CFAP299: variants seen among roughly 807,000 people sequenced by gnomAD.
CFAP299 encodes the protein cilia and flagella associated protein 299.
A neutral mutation model predicts 27.0 loss-of-function variants in CFAP299; 21 were observed. That is an observed-to-expected ratio of 0.78 (90% CI 0.55 to 1.12). The LOEUF (loss-of-function observed/expected upper bound fraction) is 1.12, where lower values mean the gene tolerates loss of function less well. CFAP299 is among the 50% of genes most tolerant of loss of function. The pLI, the probability that CFAP299 is intolerant of heterozygous loss-of-function variation, is 0.00. For missense variants in CFAP299, 310 were observed against 276.6 expected, an observed-to-expected ratio of 1.12 and a Z score of -0.86; for synonymous variants, 104 against 98.1, an observed-to-expected ratio of 1.06 and a Z score of -0.36.
chr4:80,795,089 T>A (rs539309665), intron 3 of CFAP299, among the ~76,000 whole-genome samples: 1 of 152,304 alleles, frequency 6.6e-6, no homozygotes, highest in South Asian at 2.1e-4. Flanking sequence ...GAACGGGGCA[T>A]GCTATTCACT....
rs1356473593 is a variant in CFAP299 at position 80,397,076 on chromosome 4, C to T, written c.242+34192C>T. ...TTTCAGAGCCTGTTATTGGTCTATT[C>T]GGGGATTCAACTTCTTCCTGGTTTA... is the stretch of plus-strand genomic sequence containing the variant. On this transcript the variant is annotated intron_variant, in intron 2 of 5. Transcript: ENST00000358105. 4.0e-5 allele frequency among the ~76,000 whole-genome samples: 6 copies of T among 148,710 alleles called. No homozygotes were observed. The South Asian group carries it at 1.1e-3, about 27-fold the overall frequency.
intron 3 of CFAP299, among the ~76,000 whole-genome samples, chr4:80,769,016 CA>C (rs1726055304): frequency 6.6e-6 from 1 of 152,096 alleles, no homozygotes; most frequent in African/African-American, 2.4e-5. Flanking sequence ...CAATGCTTTC[CA>C]AAAGTGAAGA....
At chr4:80,710,709 T>C (rs1722109397) in intron 3 of CFAP299, among the ~76,000 whole-genome samples, 6 of 152,000 alleles carry the variant, frequency 3.9e-5, no homozygotes, top group Admixed American at 3.9e-4. Flanking sequence ...CTCACTTACT[T>C]CAGCCCTGAC....
intron 3 of CFAP299, among the ~76,000 whole-genome samples, chr4:80,821,885 G>A (rs1216948619): frequency 1.3e-5 from 2 of 150,010 alleles, no homozygotes; most frequent in Admixed American, 1.3e-4. Flanking sequence ...CCCTGGCTCA[G>A]TACACAACAC....
intron 2 of CFAP299, among the ~76,000 whole-genome samples, chr4:80,486,343 C>A (rs1730818405): frequency 6.6e-6 from 1 of 152,166 alleles, no homozygotes. Flanking sequence ...CTGAAACATG[C>A]TTCTGAGATG....
chr4:80,828,111 G>A (rs929720475), intron 3 of CFAP299, among the ~76,000 whole-genome samples: 41 of 151,908 alleles, frequency 2.7e-4, no homozygotes, highest in African/African-American at 9.4e-4. Context: ...TAAAATGTTC[G>A]TATTATGGAA....
At chr4:80,526,267 A>G (rs1733170385) in intron 2 of CFAP299, among the ~76,000 whole-genome samples, 2 of 152,154 alleles carry the variant, frequency 1.3e-5, no homozygotes, top group South Asian at 4.1e-4. Flanking sequence ...TCATTTGGAA[A>G]GTAGCTTGAA....
intron 3 of CFAP299, among the ~76,000 whole-genome samples, chr4:80,609,638 G>T (rs1737861961): frequency 6.6e-6 from 1 of 151,740 alleles, no homozygotes; most frequent in African/African-American, 2.4e-5. Flanking sequence ...TGGAACATAT[G>T]ATTTTTTTCA....
intron 2 of CFAP299, among the ~76,000 whole-genome samples, chr4:80,417,633 A>G (rs1388895362): frequency 2.0e-5 from 3 of 152,194 alleles, no homozygotes; most frequent in Non-Finnish European, 4.4e-5. Flanking sequence ...AATTTGAAAT[A>G]CAATCATATT....
intron 3 of CFAP299, among the ~76,000 whole-genome samples, chr4:80,612,095 T>C (rs1738014293): frequency 2.0e-5 from 3 of 152,130 alleles, no homozygotes; most frequent in African/African-American, 7.2e-5. Flanking sequence ...TTTTGTAGAT[T>C]AGTGATACTG....
intron 1 of CFAP299, among the ~76,000 whole-genome samples, chr4:80,342,243 C>T (rs1354061096): frequency 2.0e-5 from 3 of 152,196 alleles, no homozygotes; most frequent in Non-Finnish European, 4.4e-5. Context: ...TGAAAACATA[C>T]TTCAGGATAT....
intron 4 of CFAP299, among the ~76,000 whole-genome samples, chr4:80,934,419 C>T (rs1228110158): frequency 6.6e-6 from 1 of 151,812 alleles, no homozygotes; most frequent in Non-Finnish European, 1.5e-5. Flanking sequence ...TAAAGTAGGC[C>T]CCATAAGATG....
At chr4:80,937,883 T>C (rs1736992179) in intron 4 of CFAP299, among the ~76,000 whole-genome samples, 1 of 152,192 alleles carries the variant, frequency 6.6e-6, no homozygotes. Flanking sequence ...TTTTAATCTT[T>C]GTTTAATCTG....
intron 3 of CFAP299, among the ~76,000 whole-genome samples, chr4:80,619,382 A>G (rs1349920250): frequency 6.6e-6 from 1 of 152,112 alleles, no homozygotes; most frequent in Non-Finnish European, 1.5e-5. Context: ...TAAATAATTA[A>G]TCTTTCTGAT....
chr4:80,700,801 G>A (rs947594960), intron 3 of CFAP299, among the ~76,000 whole-genome samples: 5 of 151,948 alleles, frequency 3.3e-5, no homozygotes, highest in Non-Finnish European at 1.5e-5. Flanking sequence ...AATAAAATGG[G>A]ATAGATTTAA....
chr4:80,357,001 G>T (rs1333652789), intron 1 of CFAP299, among the ~76,000 whole-genome samples: 1 of 151,992 alleles, frequency 6.6e-6, no homozygotes, highest in Non-Finnish European at 1.5e-5. Context: ...TTGTTTCAAG[G>T]TATGTTCCTT....
At chr4:80,483,565 G>A (rs963076024) in intron 2 of CFAP299, among the ~76,000 whole-genome samples, 5 of 151,952 alleles carry the variant, frequency 3.3e-5, no homozygotes, top group African/African-American at 1.2e-4. Flanking sequence ...TAAAATATAG[G>A]TTATAGCCAG....
intron 2 of CFAP299, chr4:80,386,500 CGCGGGCGGTGGTG>C: frequency 6.7e-7 from 1 of 1,499,346 alleles, no homozygotes. Context: ...GCCCTCTTCT[CGCGGGCGGTGGTG>C]GGGGGGGGGG....
chr4:80,453,435 AC>A (rs1186350642), intron 2 of CFAP299, among the ~76,000 whole-genome samples: 1 of 152,122 alleles, frequency 6.6e-6, no homozygotes, highest in African/African-American at 2.4e-5. Context: ...CTGTCTTATA[AC>A]CCCTAATTTA....
Sources: allele counts gnomAD v4.1 joint callset (sites outside exome capture counted in the v4.1 genomes callset), GRCh38; gene constraint gnomAD v4.1.1; transcripts MANE v1.5; gene names NCBI Gene and HGNC (gene_info 2026-07-23, HGNC 2026-07-21).